CSMD2: variants seen among roughly 807,000 people sequenced by gnomAD.
The protein encoded by CSMD2 is CUB and sushi domain-containing protein 2.
CSMD2 carries 130 observed loss-of-function variants against 398.5 expected under a neutral mutation model. That is an observed-to-expected ratio of 0.33 (90% confidence interval 0.28 to 0.38). The LOEUF (loss-of-function observed/expected upper bound fraction) is 0.38, where lower values mean the gene tolerates loss of function less well. Among genes scored for constraint, CSMD2 ranks in the 10% least tolerant of loss-of-function variants. The probability of loss-of-function intolerance (pLI) is 1.00; values close to 1 mark genes in which losing one functional copy is unlikely to be tolerated. For missense variants in CSMD2, 3,829 were observed against 4,764.9 expected, an observed-to-expected ratio of 0.80 and a Z score of 5.78; for synonymous variants, 1,828 against 1,908.5, an observed-to-expected ratio of 0.96 and a Z score of 1.10.
intron 3 of CSMD2, among the ~76,000 whole-genome samples, chr1:33,949,385 C>T (rs1285231340): frequency 6.6e-6 from 1 of 152,202 alleles, no homozygotes; most frequent in African/African-American, 2.4e-5. Flanking sequence ...GGGATGCACC[C>T]TGGCTCTGCC....
At chr1:33,949,878 G>A (rs866089260) in intron 3 of CSMD2, among the ~76,000 whole-genome samples, 2 of 152,002 alleles carry the variant, frequency 1.3e-5, no homozygotes, top group African/African-American at 4.8e-5. Flanking sequence ...TGCTACTTTC[G>A]GGCTTCTCTA....
chr1:34,038,707 T>C lies in CSMD2; in HGVS notation c.405-6001A>G, dbSNP rs7535857. On this transcript the variant is annotated intron_variant, in intron 2 of 70. Transcript: ENST00000373381. Reference sequence around the variant, plus strand: ...CCTGGCTCCAGCCCCCCAGTCTTCTTTGGTCAAGGCCATCCCAAGGGCAAA... The same window carrying C: ...CCTGGCTCCAGCCCCCCAGTCTTCTCTGGTCAAGGCCATCCCAAGGGCAAA... Among the ~76,000 whole-genome samples the C allele has an allele frequency of 4.4e-3, 673 of 152,292 alleles. 8 individuals carry two copies. Among genetic ancestry groups the C allele is most frequent in the African/African-American group, 0.015 (641 of 41,556 alleles).
intron 3 of CSMD2, among the ~76,000 whole-genome samples, chr1:33,944,914 GGA>G (rs1041583125): frequency 6.6e-6 from 1 of 152,076 alleles, no homozygotes; most frequent in African/African-American, 2.4e-5. Flanking sequence ...TCCCCAGTGT[GGA>G]GTCCATGCTC....
At chr1:33,832,638 A>G (rs888667878) in intron 6 of CSMD2, among the ~76,000 whole-genome samples, 1 of 150,638 alleles carries the variant, frequency 6.6e-6, no homozygotes, top group Non-Finnish European at 1.5e-5. Context: ...GAAGGCAAGA[A>G]ATAACTAAAA....
At chr1:33,963,809 T>C (rs561061170) in intron 3 of CSMD2, among the ~76,000 whole-genome samples, 42 of 152,358 alleles carry the variant, frequency 2.8e-4, no homozygotes, top group African/African-American at 1.0e-3. Flanking sequence ...CATTCATCTG[T>C]TGATGGACAT....
chr1:33,675,914 C>T (rs1644692406), intron 25 of CSMD2, among the ~76,000 whole-genome samples: 1 of 152,192 alleles, frequency 6.6e-6, no homozygotes, highest in African/African-American at 2.4e-5. Context: ...AACAACTCTT[C>T]ATGCTAAAAA....
intron 2 of CSMD2, among the ~76,000 whole-genome samples, chr1:34,074,100 T>C (rs955774483): frequency 6.6e-6 from 1 of 152,152 alleles, no homozygotes; most frequent in Non-Finnish European, 1.5e-5. Context: ...AAATCCGCCC[T>C]ATGATCCAAT....
intron 41 of CSMD2, among the ~76,000 whole-genome samples, chr1:33,606,858 G>A (rs1441346086): frequency 6.6e-6 from 1 of 152,218 alleles, no homozygotes; most frequent in Non-Finnish European, 1.5e-5. Flanking sequence ...TCAACACTGA[G>A]AGAAACCTCA....
intron 25 of CSMD2, among the ~76,000 whole-genome samples, chr1:33,690,370 T>G (rs917016957): frequency 6.6e-6 from 1 of 152,270 alleles, no homozygotes; most frequent in East Asian, 1.9e-4. Flanking sequence ...AGGGTCACCT[T>G]TTCCAGAATA....
chr1:34,047,203 G>C (rs1379972425), intron 2 of CSMD2, among the ~76,000 whole-genome samples: 1 of 152,030 alleles, frequency 6.6e-6, no homozygotes, highest in East Asian at 1.9e-4. Context: ...ACCTCCCCCT[G>C]CTCACTCACT....
At chr1:33,776,453 A>C (rs1174435720) in intron 12 of CSMD2, among the ~76,000 whole-genome samples, 1 of 152,174 alleles carries the variant, frequency 6.6e-6, no homozygotes, top group Non-Finnish European at 1.5e-5. Context: ...GTCTTTGCTG[A>C]AGGTGAGGGA....
chr1:33,671,431 G>T (rs554411445), intron 25 of CSMD2, among the ~76,000 whole-genome samples: 1 of 152,204 alleles, frequency 6.6e-6, no homozygotes, highest in African/African-American at 2.4e-5. Context: ...TGGTGGGGCT[G>T]CCCTGAAATT....
At chr1:33,991,738 T>C (rs1646560133) in intron 3 of CSMD2, among the ~76,000 whole-genome samples, 1 of 152,158 alleles carries the variant, frequency 6.6e-6, no homozygotes, top group Non-Finnish European at 1.5e-5. Flanking sequence ...TCATTTAAGC[T>C]ATCTGTCTCT....
intron 1 of CSMD2, among the ~76,000 whole-genome samples, chr1:34,101,484 T>C (rs531690332): frequency 1.3e-5 from 2 of 152,338 alleles, no homozygotes; most frequent in South Asian, 4.1e-4. Context: ...GTGCACCCAT[T>C]AAACTCTCAA....
intron 44 of CSMD2, chr1:33,600,303 A>C (rs191784537): frequency 1.6e-6 from 1 of 612,946 alleles, no homozygotes; most frequent in East Asian, 2.8e-5. Context: ...AGAACATTCT[A>C]TAAGTTTCTC....
At position 33,867,347 on chromosome 1, in the gene CSMD2, A is replaced by T. The variant is rs367630357; in HGVS notation, c.921-20351T>A. On this transcript the variant is annotated intron_variant, in intron 5 of 70. Coordinates refer to ENST00000373381, the MANE Select transcript of CSMD2 (RefSeq NM_001281956.2). ...GAACTTAATATTGCAGCAGCCACACAAGTGGGTAGGTGAATCCTTCCCCAG... is the reference window on the plus strand; with the variant it reads ...GAACTTAATATTGCAGCAGCCACACTAGTGGGTAGGTGAATCCTTCCCCAG... Among the ~76,000 whole-genome samples, 14 of 152,314 alleles carry T rather than the reference A, an allele frequency of 9.2e-5. No individual in the cohort carries two copies. In the East Asian group the frequency reaches 1.9e-3, roughly 21 times the overall value.
chr1:33,932,958 T>C (rs1361860693), intron 4 of CSMD2, among the ~76,000 whole-genome samples: 2 of 151,906 alleles, frequency 1.3e-5, no homozygotes, highest in Non-Finnish European at 2.9e-5. Flanking sequence ...GAAGAGAGGG[T>C]ACAATGCACA....
chr1:34,045,077 A>ACACACC (rs1213473853), intron 2 of CSMD2, among the ~76,000 whole-genome samples: 10 of 145,768 alleles, frequency 6.9e-5, no homozygotes, highest in African/African-American at 2.1e-4. Context: ...ACACACACAC[A>ACACACC]CCCCTACAAA....
intron 54 of CSMD2, among the ~76,000 whole-genome samples, chr1:33,558,234 G>A (rs1658221371): frequency 6.6e-6 from 1 of 152,204 alleles, no homozygotes; most frequent in South Asian, 2.1e-4. Flanking sequence ...AGTCCCTTGA[G>A]GGCATGAATG....
Sources: allele counts gnomAD v4.1 joint callset (sites outside exome capture counted in the v4.1 genomes callset), GRCh38; gene constraint gnomAD v4.1.1; transcripts MANE v1.5; gene names NCBI Gene and HGNC (gene_info 2026-07-23, HGNC 2026-07-21).